The following GSE1 variants were observed in gnomAD, a reference collection of about 807,000 sequenced individuals.
GSE1 encodes Gse1 coiled-coil protein, also known as genetic suppressor element 1.
In GSE1, 32 loss-of-function variants were observed where a neutral mutation model predicts 112.6. The observed-to-expected ratio is 0.28, with a 90% CI of 0.21 to 0.38. The LOEUF is 0.38. Ranked by LOEUF, GSE1 falls within the 10% of genes least tolerant of loss-of-function variation. The pLI, the probability that GSE1 is intolerant of heterozygous loss-of-function variation, is 1.00. For synonymous variants in GSE1, 1,115 were observed against 735.6 expected, an observed-to-expected ratio of 1.52 and a Z score of -8.35; for missense variants, 2,348 against 1,699.2, an observed-to-expected ratio of 1.38 and a Z score of -6.71.
At chr16:85,301,526 C>T (rs2045526049) in intron 1 of GSE1, among the ~76,000 whole-genome samples, 1 of 152,258 alleles carries the variant, frequency 6.6e-6, no homozygotes, top group South Asian at 2.1e-4. Context: ...GCAAGCTGCC[C>T]TGCATGGGCA....
intron 1 of GSE1, among the ~76,000 whole-genome samples, chr16:85,596,176 G>A (rs944071076): frequency 6.6e-6 from 1 of 152,020 alleles, no homozygotes; most frequent in Admixed American, 6.6e-5. Context: ...CTCCCCCACC[G>A]CTGCATCGCA....
intron 2 of GSE1, among the ~76,000 whole-genome samples, chr16:85,643,589 T>C (rs1454322298): frequency 6.6e-6 from 1 of 152,180 alleles, no homozygotes; most frequent in Non-Finnish European, 1.5e-5. Context: ...AAGGGGTCTC[T>C]CTGGGAGGTG....
At chr16:85,624,666 A>G (rs968398332) in intron 1 of GSE1, among the ~76,000 whole-genome samples, 2 of 152,162 alleles carry the variant, frequency 1.3e-5, no homozygotes, top group Non-Finnish European at 2.9e-5. Context: ...ACCCGGGTTG[A>G]GGGCGTGAAT....
chr16:85,186,300 T>G (rs2074700027), intron 1 of GSE1, among the ~76,000 whole-genome samples: 1 of 151,930 alleles, frequency 6.6e-6, no homozygotes, highest in African/African-American at 2.4e-5. Flanking sequence ...TGAGACCCCA[T>G]ATGTACAAAT....
chr16:85,317,009 T>C, intron 1 of GSE1, among the ~76,000 whole-genome samples: 1 of 152,208 alleles, frequency 6.6e-6, no homozygotes, highest in African/African-American at 2.4e-5. Flanking sequence ...GCCCCGTCCC[T>C]GCACTGCTGG....
intron 2 of GSE1, among the ~76,000 whole-genome samples, chr16:85,521,441 C>T (rs1004493449): frequency 2.0e-5 from 3 of 152,172 alleles, no homozygotes; most frequent in Non-Finnish European, 2.9e-5. Context: ...ACTCACTCTC[C>T]TCCTGCCTGC....
At chr16:85,445,905 C>T (rs1318085163) in intron 2 of GSE1, among the ~76,000 whole-genome samples, 3 of 152,174 alleles carry the variant, frequency 2.0e-5, no homozygotes, top group East Asian at 1.9e-4. Flanking sequence ...TGTCTTCAGG[C>T]GGGTGTCCTA....
chr16:85,225,154 G>A (rs1384519841), intron 1 of GSE1, among the ~76,000 whole-genome samples: 2 of 152,016 alleles, frequency 1.3e-5, no homozygotes, highest in African/African-American at 4.8e-5. Flanking sequence ...TAAGTGAATA[G>A]TAGACCACGT....
intron 2 of GSE1, among the ~76,000 whole-genome samples, chr16:85,516,946 T>C (rs554085094): frequency 8.5e-4 from 130 of 152,210 alleles, no homozygotes; most frequent in African/African-American, 2.8e-3. Flanking sequence ...TACAGGCGCC[T>C]GTCACCACGC....
intron 1 of GSE1, among the ~76,000 whole-genome samples, chr16:85,331,383 G>GTATATATATATGTATATATGTA (rs1289238593): frequency 8.6e-6 from 1 of 115,760 alleles, no homozygotes; most frequent in Admixed American, 8.8e-5. Context: ...GTATATATAT[G>GTATATATATATGTATATATGTA]TATATATATG....
chr16:85,280,611 C>G (rs2930240), intron 1 of GSE1, among the ~76,000 whole-genome samples: 147,813 of 152,264 alleles, frequency 0.97, 71,773 homozygotes, highest in Middle Eastern at 0.99. Flanking sequence ...GGCCAGGCCG[C>G]TCTCGAACTT....
chr16:85,432,946 C>A (rs567527061), intron 2 of GSE1, among the ~76,000 whole-genome samples: 7 of 152,084 alleles, frequency 4.6e-5, no homozygotes, highest in African/African-American at 1.7e-4. Flanking sequence ...AGGGACTGAT[C>A]TGGCATCCAG....
At chr16:85,251,475 A>G (rs1447568543) in intron 1 of GSE1, among the ~76,000 whole-genome samples, 2 of 152,258 alleles carry the variant, frequency 1.3e-5, no homozygotes, top group Non-Finnish European at 2.9e-5. Context: ...GCTCAGCAGG[A>G]AACAGGCCGG....
At chr16:85,252,135 G>A (rs559897439) in intron 1 of GSE1, among the ~76,000 whole-genome samples, 5 of 152,210 alleles carry the variant, frequency 3.3e-5, no homozygotes, top group East Asian at 1.9e-4. Flanking sequence ...TGGAAATGAC[G>A]GAGCTTCGTA....
At chr16:85,322,812 C>T (rs1291547473) in intron 1 of GSE1, among the ~76,000 whole-genome samples, 4 of 152,034 alleles carry the variant, frequency 2.6e-5, no homozygotes, top group East Asian at 1.9e-4. Flanking sequence ...GAGGGGGTTT[C>T]ACCATGTTGG....
intron 1 of GSE1, among the ~76,000 whole-genome samples, chr16:85,337,954 C>T (rs1454155026): frequency 2.0e-5 from 3 of 152,220 alleles, no homozygotes; most frequent in Non-Finnish European, 4.4e-5. Flanking sequence ...AGCAGGTGAC[C>T]TTTCAGGTTC....
chr16:85,197,684 C>T (rs1439031436), intron 1 of GSE1, among the ~76,000 whole-genome samples: 1 of 152,206 alleles, frequency 6.6e-6, no homozygotes, highest in East Asian at 1.9e-4. Context: ...GATCAAGGCC[C>T]TCCCTGGTCC....
chr16:85,174,308 G>C (rs971480493), intron 1 of GSE1, among the ~76,000 whole-genome samples: 6 of 152,204 alleles, frequency 3.9e-5, no homozygotes, highest in Non-Finnish European at 8.8e-5. Context: ...AAAGTGGAAC[G>C]GACTGAGAAG....
intron 1 of GSE1, among the ~76,000 whole-genome samples, chr16:85,191,756 G>A (rs1387905853): frequency 6.6e-6 from 1 of 152,152 alleles, no homozygotes; most frequent in East Asian, 1.9e-4. Context: ...GAGAGTAAAC[G>A]CCCCGGGTGA....
Sources: allele counts gnomAD v4.1 joint callset (sites outside exome capture counted in the v4.1 genomes callset), GRCh38; gene constraint gnomAD v4.1.1; transcripts MANE v1.5; gene names NCBI Gene and HGNC (gene_info 2026-07-23, HGNC 2026-07-21).